The following ZNF518A variants were observed in gnomAD, a reference collection of about 807,000 sequenced individuals.
The protein encoded by ZNF518A is zinc finger protein 518A.
ZNF518A carries 47 observed loss-of-function variants against 102.7 expected under a neutral mutation model. That is an observed-to-expected ratio of 0.46 (90% CI 0.36 to 0.58). ZNF518A has a LOEUF of 0.58. Ranked by LOEUF, ZNF518A falls within the 20% of genes least tolerant of loss-of-function variation. The pLI, the probability that ZNF518A is intolerant of heterozygous loss-of-function variation, is 0.00. For synonymous variants in ZNF518A, 652 were observed against 594.6 expected, an observed-to-expected ratio of 1.10 and a Z score of -1.40; for missense variants, 1,793 against 1,699.8, an observed-to-expected ratio of 1.05 and a Z score of -0.96.
Position 96,182,065 on chromosome 10 carries a change from T to C in ZNF518A, n.36-21509T>C, listed in dbSNP as rs759128611. Among the ~76,000 whole-genome samples, 10 of 152,214 alleles carry C rather than the reference T, an allele frequency of 6.6e-5. 1 individual carries two copies. The highest frequency in any genetic ancestry group is 1.5e-4 in the Non-Finnish European group (10 of 68,032). ...AGAGGTCCTTCACATCCCTTGTAAG[T>C]TGGATTCCTAGGTATTTTCTTCTCT... is the stretch of plus-strand genomic sequence containing the variant. On this transcript the variant is annotated intron_variant and non_coding_transcript_variant, in intron 1 of 2. Coordinates refer to the ZNF518A transcript ENST00000442635.
At chr10:96,168,969 TTC>T (rs1554890644) in intron 1 of ZNF518A, among the ~76,000 whole-genome samples, 1 of 152,200 alleles carries the variant, frequency 6.6e-6, no homozygotes, top group Non-Finnish European at 1.5e-5. Context: ...CCCTGATGAA[TTC>T]TCTTTTTTTC....
chr10:96,154,569 G>T (rs782464310), intron 3 of ZNF518A, among the ~76,000 whole-genome samples: 1 of 152,060 alleles, frequency 6.6e-6, no homozygotes, highest in African/African-American at 2.4e-5. Context: ...AAAGACAAGT[G>T]CTCTGCTTGG....
Position 96,160,848 on chromosome 10 carries a change from C to T in ZNF518A, c.*74C>T. 7.2e-7 allele frequency: 1 copy of T among 1,398,546 alleles called. No homozygotes were observed. Among genetic ancestry groups the T allele is most frequent in the Non-Finnish European group, 9.4e-7 (1 of 1,059,798 alleles). 86.6% of individuals were successfully genotyped at this position (1,398,546 alleles called of 1,614,324 possible). A position where few individuals can be genotyped will look rare whatever the true frequency, so the allele number is the denominator to read the frequency against. On this transcript the variant is annotated 3_prime_UTR_variant, in exon 6 of 6. Coordinates refer to ENST00000316045, the MANE Select transcript of ZNF518A (RefSeq NM_001330736.2). The stretch of plus-strand genomic sequence containing the variant: ...AACAACGGGTTCAGTTACCATAATG[C>T]AGACATTTTCTACTTCAGTATAGTA...
chr10:96,156,236 C>T lies in ZNF518A; in HGVS notation c.-87C>T. 2.2e-6 allele frequency: 3 copies of T among 1,352,210 alleles called. No homozygotes were observed. Among genetic ancestry groups the T allele is most frequent in the South Asian group, 1.6e-5 (1 of 64,178 alleles). The allele number at this position is 1,352,210 out of a possible 1,614,324, so 83.8% of individuals were successfully genotyped here. On this transcript the variant is annotated 5_prime_UTR_variant, in exon 6 of 6. Transcript: ENST00000316045. Reference sequence around the variant, plus strand: ...GAAAAATCCTGTATATTGAAGATGTCTCTACACAGTATCGTTTCCTGTTTA... The same window carrying T: ...GAAAAATCCTGTATATTGAAGATGTTTCTACACAGTATCGTTTCCTGTTTA...
chr10:96,172,139 T>A (rs2083177385), intron 1 of ZNF518A, among the ~76,000 whole-genome samples: 1 of 152,052 alleles, frequency 6.6e-6, no homozygotes, highest in Non-Finnish European at 1.5e-5. Context: ...AAGCAAATGA[T>A]GTCGAGAATA....
At chr10:96,195,454 G>A (rs1317999728) in intron 1 of ZNF518A, among the ~76,000 whole-genome samples, 2 of 152,144 alleles carry the variant, frequency 1.3e-5, no homozygotes, top group Non-Finnish European at 2.9e-5. Context: ...GTGGTATATA[G>A]ATACAATGAG....
At chr10:96,189,924 A>G (rs781903077) in intron 1 of ZNF518A, 1 of 980,938 alleles carries the variant, frequency 1.0e-6, no homozygotes, top group Non-Finnish European at 1.6e-6. Flanking sequence ...TTCAACCATA[A>G]AAGCACTGGT....
At position 96,157,820 on chromosome 10, in the gene ZNF518A, A is replaced by G. The variant is rs1346965872; in HGVS notation, c.1498A>G (p.Thr500Ala). Residue 500 changes from threonine (T) to alanine (A), a missense_variant, in exon 6 of 6, where the codon ACT (threonine) becomes GCT (alanine). Transcript: ENST00000316045. Reference protein sequence around the residue: ...DTNGFLTGVTTELNDTVYMKA... With the variant: ...DTNGFLTGVTAELNDTVYMKA... ...TAATGGATTTTTAACAGGAGTAACA[A>G]CTGAGTTAAATGACACAGTTTATAT... is the stretch of plus-strand genomic sequence containing the variant. 21 of 1,613,770 alleles carry G rather than the reference A, an allele frequency of 1.3e-5. No homozygotes were observed. Among genetic ancestry groups the G allele is most frequent in the Non-Finnish European group, 1.7e-5 (20 of 1,179,806 alleles).
At chr10:96,164,230 T>C (rs587706308), downstream of ZNF518A, among the ~76,000 whole-genome samples, 1 of 152,342 alleles carries the variant, frequency 6.6e-6, no homozygotes, top group East Asian at 1.9e-4. Flanking sequence ...CCATACAGCT[T>C]ATCTTGATTT....
At chr10:96,189,214 CA>C (rs1413702836) in intron 1 of ZNF518A, among the ~76,000 whole-genome samples, 1 of 152,178 alleles carries the variant, frequency 6.6e-6, no homozygotes, top group Non-Finnish European at 1.5e-5. Context: ...TTGGACAACA[CA>C]TTCTTGGCAA....
At chr10:96,169,609 A>C (rs2083161934) in intron 1 of ZNF518A, among the ~76,000 whole-genome samples, 1 of 152,164 alleles carries the variant, frequency 6.6e-6, no homozygotes, top group Non-Finnish European at 1.5e-5. Flanking sequence ...AGTTCTTTGA[A>C]CATATTTAAG....
chr10:96,157,853 G>C lies in ZNF518A; in HGVS notation c.1531G>C (p.Ala511Pro). Residue 511 changes from alanine to proline, a missense_variant, in exon 6 of 6, where the codon GCT becomes CCT. Transcript: ENST00000316045. Reference sequence around the variant, plus strand: ...AAATGACACAGTTTATATGAAAGCAGCTACTCCATTTTCATGTTCATCTTC... The same window carrying C: ...AAATGACACAGTTTATATGAAAGCACCTACTCCATTTTCATGTTCATCTTC... ...ELNDTVYMKAATPFSCSSSIL... is the reference protein window; with the variant it reads ...ELNDTVYMKAPTPFSCSSSIL... 6.2e-7 allele frequency: 1 copy of C among 1,613,896 alleles called. No homozygotes were observed. The highest frequency in any genetic ancestry group is 8.5e-7 in the Non-Finnish European group (1 of 1,179,788).
intron 1 of ZNF518A, among the ~76,000 whole-genome samples, chr10:96,176,214 C>T (rs1043675582): frequency 2.0e-5 from 3 of 151,968 alleles, no homozygotes; most frequent in Non-Finnish European, 4.4e-5. Context: ...AGATGTGAGC[C>T]ACTACACTCA....
chr10:96,204,005 G>A (rs1228498247), exon 3 of ZNF518A: 8 of 1,517,312 alleles, frequency 5.3e-6, no homozygotes, highest in Non-Finnish European at 7.3e-6. Flanking sequence ...TCAGACTCTA[G>A]GATCCAGCCT....
intron 1 of ZNF518A, among the ~76,000 whole-genome samples, chr10:96,188,723 C>T (rs1406075223): frequency 6.6e-6 from 1 of 152,096 alleles, no homozygotes. Context: ...AAAACCTTTC[C>T]ATACAAAATT....
chr10:96,178,501 A>G (rs1205833275), intron 1 of ZNF518A, among the ~76,000 whole-genome samples: 1 of 152,100 alleles, frequency 6.6e-6, no homozygotes, highest in African/African-American at 2.4e-5. Flanking sequence ...TTAGAAAACA[A>G]TAAAGGTTTA....
intron 1 of ZNF518A, among the ~76,000 whole-genome samples, chr10:96,197,256 A>G (rs1305416806): frequency 6.6e-6 from 1 of 152,184 alleles, no homozygotes; most frequent in East Asian, 1.9e-4. Flanking sequence ...ATATACTCAT[A>G]GAAAATCCTG....
At position 96,200,963 on chromosome 10, in the gene ZNF518A, T is replaced by G. The variant is rs587660304; in HGVS notation, n.36-2611T>G. 1.2e-5 allele frequency: 19 copies of G among 1,608,702 alleles called. No homozygotes were observed. The South Asian group carries it at 1.4e-4, about 12-fold the overall frequency. ...GTTTCCTGGTAACAATTTAGTGACA[T>G]CAAGAGTTCATTTCATACCTGTTCT... On this transcript the variant is annotated intron_variant and non_coding_transcript_variant, in intron 1 of 2. Transcript: ENST00000442635. The surrounding 1 kb of genome is among the most constrained non-coding windows in gnomAD (Gnocchi z 4.3).
chr10:96,200,313 A>T lies in ZNF518A; in HGVS notation n.36-3261A>T, dbSNP rs17232045. Among the ~76,000 whole-genome samples, 1 of 152,094 alleles carries T rather than the reference A, an allele frequency of 6.6e-6. No individual in the cohort carries two copies. The highest frequency in any genetic ancestry group is 1.5e-5 in the Non-Finnish European group (1 of 68,016). Reference sequence around the variant, plus strand: ...AGTTTTATTTTTCCTTTGATCAAACACAAGGATTATACCGTTAACTTGTTT... The same window carrying T: ...AGTTTTATTTTTCCTTTGATCAAACTCAAGGATTATACCGTTAACTTGTTT... On this transcript the variant is annotated intron_variant and non_coding_transcript_variant, in intron 1 of 2. Transcript: ENST00000442635. The surrounding 1 kb of genome is among the most constrained non-coding windows in gnomAD (Gnocchi z 4.3).
Sources: gnomAD v4.1 joint callset for allele counts (sites outside exome capture counted in the v4.1 genomes callset) on GRCh38, gnomAD v4.1.1 for gene constraint, Gnocchi (gnomAD v3.1) non-coding constraint, MANE v1.5 for transcripts, NCBI Gene and HGNC (gene_info 2026-07-23, HGNC 2026-07-21) for gene names.